The following CRLF3 variants were observed in gnomAD, a reference collection of about 807,000 sequenced individuals.
The protein encoded by CRLF3 is cytokine receptor like factor 3.
CRLF3 carries 33 observed loss-of-function variants against 55.0 expected under a neutral mutation model. The ratio of observed to expected loss-of-function variants is 0.60; its 90% CI spans 0.46 to 0.80. The LOEUF (loss-of-function observed/expected upper bound fraction) is 0.80. Among genes scored for constraint, CRLF3 ranks in the 30% least tolerant of loss-of-function variants. The pLI, the probability that CRLF3 is intolerant of heterozygous loss-of-function variation, is 0.00. For synonymous variants in CRLF3, 238 were observed against 196.8 expected (o/e 1.21, Z -1.75); for missense variants, 494 against 538.4 (o/e 0.92, Z 0.82).
intron 2 of CRLF3, 64 bp downstream of exon 2, chr17:30,803,837 T>A: frequency 8.3e-7 from 1 of 1,210,336 alleles, no homozygotes; most frequent in Non-Finnish European, 1.2e-6. Context: ...GTTTCAGGTA[T>A]GTCTTTATCA....
At chr17:30,812,317 C>T (rs932907579) in intron 1 of CRLF3, among the ~76,000 whole-genome samples, 6 of 152,008 alleles carry the variant, frequency 3.9e-5, no homozygotes, top group African/African-American at 1.4e-4. Context: ...TACTGAGTAC[C>T]TGTATGCCAG....
chr17:30,797,250 G>T, intron 3 of CRLF3, 61 bp downstream of exon 3: 1 of 1,166,886 alleles, frequency 8.6e-7, no homozygotes, highest in Non-Finnish European at 1.3e-6. Flanking sequence ...ACAGAGGGAG[G>T]AAAAAAGCAG....
At chr17:30,796,767 A>T (rs1670604343) in intron 3 of CRLF3, among the ~76,000 whole-genome samples, 1 of 146,620 alleles carries the variant, frequency 6.8e-6, no homozygotes. Context: ...TCTGTCCCCT[A>T]GGCTGGAGTG....
chr17:30,812,176 C>T (rs543264689), intron 1 of CRLF3, among the ~76,000 whole-genome samples: 4 of 151,788 alleles, frequency 2.6e-5, no homozygotes, highest in South Asian at 2.1e-4. Context: ...AAATTGAAAA[C>T]GCTAATCAAC....
At chr17:30,807,612 A>T (rs990456289) in intron 1 of CRLF3, among the ~76,000 whole-genome samples, 1 of 134,844 alleles carries the variant, frequency 7.4e-6, no homozygotes, top group Non-Finnish European at 1.5e-5. Flanking sequence ...GGCTCACTGC[A>T]ACCTCTGCCT....
chr17:30,786,489 G>T (rs528015042), intron 6 of CRLF3: 1 of 152,752 alleles, frequency 6.5e-6, no homozygotes, highest in South Asian at 2.0e-4. Context: ...CACCCACCTC[G>T]GCCTCCCAAA....
rs769101368 is a variant in CRLF3, at chr17:30,784,448, AATGTT to A, written c.1073-10_1073-6del. The A allele has an allele frequency of 2.4e-5, 39 of 1,609,408 alleles. 1 individual carries two copies. The South Asian group carries it at 3.8e-4, about 16-fold the overall frequency. On this transcript the variant is annotated splice_region_variant and splice_polypyrimidine_tract_variant and intron_variant, in intron 7 of 7. Coordinates refer to ENST00000324238, the MANE Select transcript of CRLF3 (RefSeq NM_015986.4). ...TTCCATTGACAAAAACTGCACCTAA[AATGTT>A]AAGGTAAAGAGTCATTTACATGTGA... is the stretch of plus-strand genomic sequence containing the variant.
At chr17:30,815,976 T>TA (rs527247079) in intron 1 of CRLF3, among the ~76,000 whole-genome samples, 25,367 of 135,920 alleles carry the variant, frequency 0.19, 2,524 homozygotes, top group African/African-American at 0.29. Flanking sequence ...AATAAAAAGT[T>TA]AAAAAAAAAA....
At chr17:30,807,552 C>G (rs8064245) in intron 1 of CRLF3, among the ~76,000 whole-genome samples, 47,433 of 89,226 alleles carry the variant, frequency 0.53, 11,301 homozygotes, top group African/African-American at 0.75. Context: ...TTTTTTTTGA[C>G]ACAGAGTTTC....
rs148387714 is a variant in CRLF3 at position 30,807,680 on chromosome 17, A to G, written c.130-3572T>C. 2.1e-3 allele frequency among the ~76,000 whole-genome samples: 325 copies of G among 151,776 alleles called. 3 individuals are homozygous for G. The highest frequency in any genetic ancestry group is 0.018 in the South Asian group (87 of 4,816). On this transcript the variant is annotated intron_variant, in intron 1 of 7. Coordinates refer to ENST00000324238, the MANE Select transcript of CRLF3 (RefSeq NM_015986.4). ...CCTGAGTAGCTGAGATTACAGGCGC[A>G]TGCCACCACGCCTGGCTAATTTTTG...
Position 30,784,185 on chromosome 17 carries a change from A to T in CRLF3, c.*2T>A. 1 of 1,612,408 alleles carries T rather than the reference A, an allele frequency of 6.2e-7. No homozygotes were observed. Among genetic ancestry groups the T allele is most frequent in the Non-Finnish European group, 8.5e-7 (1 of 1,179,372 alleles). On this transcript the variant is annotated 3_prime_UTR_variant, in exon 8 of 8. Transcript: ENST00000324238. The stretch of plus-strand genomic sequence containing the variant: ...GAAAACCAAAGCCAAGCACCCAAAC[A>T]TCTAAAACACTAACACTTTCCATCC...
chr17:30,790,678 A>G (rs73269987), intron 6 of CRLF3: 32,027 of 132,594 alleles, frequency 0.24, 5,090 homozygotes, highest in African/African-American at 0.48. Flanking sequence ...GTGCAGTGGC[A>G]CGATCTCTGC....
At chr17:30,800,621 ACT>A (rs980393891) in intron 2 of CRLF3, among the ~76,000 whole-genome samples, 10 of 150,436 alleles carry the variant, frequency 6.6e-5, no homozygotes, top group African/African-American at 1.2e-4. Context: ...AAAAAAAAAA[ACT>A]CTGTCTTGTT....
In CRLF3 at chr17:30,784,139, A is replaced by AG. The variant is rs748961815; in HGVS notation, c.*47dup. The stretch of plus-strand genomic sequence containing the variant: ...AAGCAATTACAACTACGCTGGGCTG[A>AG]GGACAGCTACGTTAGACCCTGAAAA... On this transcript the variant is annotated 3_prime_UTR_variant, in exon 8 of 8. Coordinates refer to ENST00000324238, the MANE Select transcript of CRLF3 (RefSeq NM_015986.4). 1 of 1,558,954 alleles carries AG rather than the reference A, an allele frequency of 6.4e-7. No individual in the cohort carries two copies. The highest frequency in any genetic ancestry group is 1.2e-5 in the South Asian group (1 of 85,116).
intron 2 of CRLF3, chr17:30,801,278 C>G (rs537673327): frequency 1.3e-5 from 2 of 151,936 alleles, no homozygotes; most frequent in African/African-American, 4.8e-5. Flanking sequence ...TTTACCATTC[C>G]TACCTGGATT....
At chr17:30,789,993 G>GT (rs1009140367) in intron 6 of CRLF3, among the ~76,000 whole-genome samples, 298 of 145,538 alleles carry the variant, frequency 2.0e-3, no homozygotes, top group Middle Eastern at 7.5e-3. Flanking sequence ...GGTATTAGTT[G>GT]TTTTTTTTTT....
At chr17:30,785,644 C>T (rs80138478) in intron 7 of CRLF3, among the ~76,000 whole-genome samples, 1 of 115,818 alleles carries the variant, frequency 8.6e-6, no homozygotes, top group Non-Finnish European at 1.9e-5. Flanking sequence ...TAGCCAGTCA[C>T]AGTGGCATGC....
chr17:30,795,474 C>G (rs1266603455), intron 4 of CRLF3, among the ~76,000 whole-genome samples: 1 of 140,632 alleles, frequency 7.1e-6, no homozygotes, highest in Non-Finnish European at 1.5e-5. Flanking sequence ...CCAGCCTGAA[C>G]AACAACAACG....
At chr17:30,810,426 C>T (rs766345928) in intron 1 of CRLF3, among the ~76,000 whole-genome samples, 160 of 151,942 alleles carry the variant, frequency 1.1e-3, no homozygotes, top group South Asian at 1.7e-3. Flanking sequence ...ATTACCCAAG[C>T]GTAGTGGTGC....
Sources: allele counts gnomAD v4.1 joint callset (sites outside exome capture counted in the v4.1 genomes callset), GRCh38; gene constraint gnomAD v4.1.1; transcripts MANE v1.5; gene names NCBI Gene and HGNC (gene_info 2026-07-23, HGNC 2026-07-21).